Variants in RECK observed in about 807,000 individuals in gnomAD.
RECK encodes the protein reversion inducing cysteine rich protein with kazal motifs, also known as reversion-inducing cysteine-rich protein with Kazal motifs.
In RECK, 69 loss-of-function variants were observed where a neutral mutation model predicts 115.1. The observed-to-expected ratio is 0.60, with a 90% CI of 0.49 to 0.73. The LOEUF is 0.73. Ranked by LOEUF, RECK falls within the 30% of genes least tolerant of loss-of-function variation. The probability of loss-of-function intolerance (pLI) is 0.00; values close to 1 mark genes in which losing one functional copy is unlikely to be tolerated. For synonymous variants in RECK, 414 were observed against 419.7 expected (o/e 0.99, Z 0.17); for missense variants, 1,047 against 1,203.7 (o/e 0.87, Z 1.93).
At chr9:36,116,942 C>A in intron 16 of RECK, 43 bp from the exon 17 acceptor site, 1 of 1,531,506 alleles carries the variant, frequency 6.5e-7, no homozygotes, top group Non-Finnish European at 8.9e-7. Context: ...CCACCACAGT[C>A]CCTCCCTACA....
chr9:36,038,033 C>G (rs1387993267), intron 1 of RECK, among the ~76,000 whole-genome samples: 1 of 150,094 alleles, frequency 6.7e-6, no homozygotes, highest in Non-Finnish European at 1.5e-5. Context: ...CAAAGTCAGC[C>G]GGGTGCGGTA....
Position 36,120,685 on chromosome 9 carries a change from T to C in RECK, c.2487T>C (p.Ala829=), listed in dbSNP as rs756697074. ...CAGGTGCTTGTTGCCCATTATGTGC[T>C]GGGATGTTAAGAGTTTTATTTGACA... ...IPPGACCPLC[A]GMLRVLFDKE... is the part of the protein sequence containing the mutation. The change falls in exon 19 of 21, where the codon GCT becomes GCC. Residue 829 remains alanine, a synonymous_variant. Transcript: ENST00000377966. 6.2e-7 allele frequency: 1 copy of C among 1,613,564 alleles called. No homozygotes were observed. Among genetic ancestry groups the C allele is most frequent in the Admixed American group, 1.7e-5 (1 of 60,016 alleles).
chr9:36,059,007 T>G (rs984568961), intron 3 of RECK, 106 bp downstream of exon 3: 8 of 648,022 alleles, frequency 1.2e-5, no homozygotes, highest in African/African-American at 3.8e-5. Context: ...GAATTTGTGG[T>G]CAAAATAAAA....
chr9:36,112,622 T>A lies in RECK; in HGVS notation c.2060+146T>A, dbSNP rs1824102208. ...TGGAGTCTGGAGGGAAAGAGAGCCA[T>A]GTAAAGCTGCTTGATAAGGTGCTGC... is the stretch of plus-strand genomic sequence containing the variant. On this transcript the variant is annotated intron_variant, in intron 16 of 20. Coordinates refer to ENST00000377966, the MANE Select transcript of RECK (RefSeq NM_021111.3). The A allele has an allele frequency of 4.5e-6, 4 of 883,144 alleles. No individual in the cohort carries two copies. The South Asian group carries it at 5.3e-5, about 12-fold the overall frequency. 54.7% of individuals were successfully genotyped at this position (883,144 alleles called of 1,614,324 possible). A position where few individuals can be genotyped will look rare whatever the true frequency, so the allele number is the denominator to read the frequency against.
intron 6 of RECK, among the ~76,000 whole-genome samples, chr9:36,069,569 A>G (rs935725985): frequency 3.3e-5 from 5 of 152,112 alleles, no homozygotes; most frequent in Admixed American, 2.0e-4. Flanking sequence ...TACAAACACA[A>G]TGGATGGGTG....
intron 5 of RECK, among the ~76,000 whole-genome samples, chr9:36,064,150 A>T (rs754391033): frequency 1.3e-5 from 2 of 152,188 alleles, no homozygotes; most frequent in Non-Finnish European, 2.9e-5. Flanking sequence ...TAGGTCATCC[A>T]TACTTTGCCT....
intron 5 of RECK, among the ~76,000 whole-genome samples, chr9:36,065,228 TAAAAAAAAAAAAA>T (rs561725701): frequency 2.2e-4 from 11 of 50,558 alleles, no homozygotes; most frequent in Non-Finnish European, 3.5e-4. Flanking sequence ...GGAATTCAGC[TAAAAAAAAAAAAA>T]AAAAAAAAAA....
At chr9:36,115,470 C>T (rs933053855) in intron 16 of RECK, among the ~76,000 whole-genome samples, 6 of 152,030 alleles carry the variant, frequency 3.9e-5, no homozygotes, top group Non-Finnish European at 1.5e-5. Flanking sequence ...TATTTGCCCC[C>T]AGATTCTCAA....
intron 5 of RECK, among the ~76,000 whole-genome samples, chr9:36,065,255 A>AAAAAAAAAACAAT: frequency 6.7e-6 from 1 of 149,526 alleles, no homozygotes; most frequent in African/African-American, 2.5e-5. Flanking sequence ...AAAAAAAAAA[A>AAAAAAAAAACAAT]TCCTCTGATT....
At chr9:36,075,155 A>C (rs1822399782) in intron 6 of RECK, among the ~76,000 whole-genome samples, 1 of 152,260 alleles carries the variant, frequency 6.6e-6, no homozygotes, top group African/African-American at 2.4e-5. Context: ...AGTGTCCACT[A>C]GGCCAAAGCA....
intron 20 of RECK, among the ~76,000 whole-genome samples, chr9:36,121,925 G>A (rs528920236): frequency 6.6e-6 from 1 of 152,318 alleles, no homozygotes; most frequent in South Asian, 2.1e-4. Flanking sequence ...ACCAGGGCAG[G>A]GGAGGGATTA....
intron 7 of RECK, among the ~76,000 whole-genome samples, chr9:36,082,162 C>G (rs1196574751): frequency 6.8e-6 from 1 of 147,208 alleles, no homozygotes. Flanking sequence ...TTCTCTCTCT[C>G]TCTCTCTCTC....
At chr9:36,043,191 ATTTTTTTTTTTT>A (rs761649232) in intron 1 of RECK, among the ~76,000 whole-genome samples, 1 of 53,988 alleles carries the variant, frequency 1.9e-5, no homozygotes, top group African/African-American at 8.2e-5. Flanking sequence ...CGCCTGGCTA[ATTTTTTTTTTTT>A]TTTTTTTTTT....
In RECK at chr9:36,117,048, G is replaced by A. The variant is rs768812206; in HGVS notation, c.2124G>A (p.Glu708=). 2.0e-5 allele frequency: 32 copies of A among 1,613,900 alleles called. No homozygotes were observed. In the East Asian group the frequency reaches 6.0e-4, roughly 30 times the overall value. ...TFDKFGCSQY[E]CVPRQLACDQ... ...ATAAATTTGGATGTAGCCAGTATGA[G>A]TGTGTACCAAGACAGCTCGCGTGTG... Residue 708 remains glutamate (E), a synonymous_variant, in exon 17 of 21, where the codon GAG becomes GAA. Transcript: ENST00000377966.
chr9:36,082,965 C>T (rs1485737629), intron 7 of RECK, among the ~76,000 whole-genome samples: 3 of 152,140 alleles, frequency 2.0e-5, no homozygotes, highest in Non-Finnish European at 4.4e-5. Context: ...CACAGAAAGA[C>T]ACTGCTTCAC....
At chr9:36,078,869 ATTAT>A (rs1256992992) in intron 6 of RECK, among the ~76,000 whole-genome samples, 1 of 148,010 alleles carries the variant, frequency 6.8e-6, no homozygotes, top group Non-Finnish European at 1.5e-5. Context: ...ATTTTATTTT[ATTAT>A]TTGTTTGTTT....
chr9:36,073,241 GACACACACACACACACACACAC>G (rs778489595), intron 6 of RECK, among the ~76,000 whole-genome samples: 1 of 67,496 alleles, frequency 1.5e-5, no homozygotes, highest in East Asian at 4.3e-4. Context: ...GACACACACA[GACACACACACACACACACACAC>G]ACACACACAC....
intron 2 of RECK, among the ~76,000 whole-genome samples, chr9:36,053,832 A>AT (rs1363225190): frequency 6.6e-6 from 1 of 152,194 alleles, no homozygotes; most frequent in Non-Finnish European, 1.5e-5. Context: ...AGTCACCCTA[A>AT]TAAAGAACAT....
chr9:36,105,803 A>T lies in RECK; in HGVS notation c.1576+520A>T, dbSNP rs576890569. Among the ~76,000 whole-genome samples, 29 of 152,364 alleles carry T rather than the reference A, an allele frequency of 1.9e-4. No individual in the cohort carries two copies. The East Asian group carries it at 5.4e-3, about 28-fold the overall frequency. On this transcript the variant is annotated intron_variant, in intron 13 of 20. Coordinates refer to ENST00000377966, the MANE Select transcript of RECK (RefSeq NM_021111.3). ...TAAGGGTGAAGGATTTTTATCCCAT[A>T]GAATTATGATAGTCTTTATCTTTCT... is the stretch of plus-strand genomic sequence containing the variant.
Sources: allele counts gnomAD v4.1 joint callset (sites outside exome capture counted in the v4.1 genomes callset), GRCh38; gene constraint gnomAD v4.1.1; transcripts MANE v1.5; gene names NCBI Gene and HGNC (gene_info 2026-07-23, HGNC 2026-07-21).